The following TYW1B variants were observed in gnomAD, a reference collection of about 807,000 sequenced individuals.
The protein encoded by TYW1B is tRNA-yW synthesizing protein 1 homolog B.
Under a neutral mutation model 86.9 loss-of-function variants are expected in TYW1B, and 73 were observed. The ratio of observed to expected loss-of-function variants is 0.84; its 90% confidence interval spans 0.70 to 1.02. The LOEUF (loss-of-function observed/expected upper bound fraction) is 1.02. Ranked by LOEUF, TYW1B falls within the 50% of genes least tolerant of loss-of-function variation. The pLI is 0.00. For missense variants in TYW1B, 637 were observed against 827.4 expected, an observed-to-expected ratio of 0.77 and a Z score of 2.82; for synonymous variants, 248 against 292.8, an observed-to-expected ratio of 0.85 and a Z score of 1.56.
At chr7:72,808,218 C>T (rs1445217902) in intron 4 of TYW1B, among the ~76,000 whole-genome samples, 16 of 152,208 alleles carry the variant, frequency 1.1e-4, no homozygotes, top group Admixed American at 2.6e-4. Flanking sequence ...CTTGGGAGAC[C>T]GGAGTGAGAA....
intron 13 of TYW1B, among the ~76,000 whole-genome samples, chr7:72,595,682 CA>C (rs1811515339): frequency 6.6e-6 from 1 of 151,318 alleles, no homozygotes; most frequent in South Asian, 2.1e-4. Flanking sequence ...GACTCCATCT[CA>C]AAAAATAAAT....
intron 8 of TYW1B, 101 bp from the exon 9 acceptor site, chr7:72,729,032 G>A (rs1787057765): frequency 1.8e-6 from 2 of 1,140,322 alleles, no homozygotes; most frequent in Admixed American, 2.3e-5. Flanking sequence ...ACAAAATCAG[G>A]ACTGGTTTCC....
At chr7:72,581,286 A>G (rs1811144383) in intron 13 of TYW1B, among the ~76,000 whole-genome samples, 1 of 145,760 alleles carries the variant, frequency 6.9e-6, no homozygotes, top group East Asian at 2.0e-4. Flanking sequence ...CTGTTTCTGG[A>G]CCACCAGGGA....
intron 11 of TYW1B, among the ~76,000 whole-genome samples, chr7:72,631,991 T>C (rs562654274): frequency 4.6e-5 from 7 of 152,120 alleles, no homozygotes; most frequent in African/African-American, 1.7e-4. Flanking sequence ...ATTCTACTTA[T>C]AATTATGAAA....
chr7:72,725,759 T>A (rs868920558), intron 9 of TYW1B, among the ~76,000 whole-genome samples: 1 of 151,986 alleles, frequency 6.6e-6, no homozygotes, highest in African/African-American at 2.4e-5. Context: ...CTTCCCTGAG[T>A]CTCCAACCTG....
rs1812076533 is a variant in TYW1B, at chr7:72,616,566, C to T, written c.1785+106G>A. The stretch of plus-strand genomic sequence containing the variant: ...TTTTTGTTTTGGGAAAGGTAGCAAG[C>T]ACGCAGATCATCCCTATAACAACGT... On this transcript the variant is annotated intron_variant, in intron 13 of 13. Transcript: ENST00000620995. 7 of 1,548,696 alleles carry T rather than the reference C, an allele frequency of 4.5e-6. No homozygotes were observed. In the Admixed American group the frequency reaches 1.3e-4, roughly 28 times the overall value.
chr7:72,646,074 T>C lies in TYW1B; in HGVS notation c.1507-17077A>G, dbSNP rs551671442. On this transcript the variant is annotated intron_variant, in intron 11 of 13. Transcript: ENST00000620995. ...TTTCGTTTGTTTTTTGTTGAGAGGT[T>C]CACGCTCTGTCACACAGGCTGGAGA... Among the ~76,000 whole-genome samples, 5 of 148,846 alleles carry C rather than the reference T, an allele frequency of 3.4e-5. No homozygotes were observed. In the East Asian group the frequency reaches 5.9e-4, roughly 17 times the overall value.
chr7:72,667,845 T>C (rs1365447969), intron 11 of TYW1B, among the ~76,000 whole-genome samples: 3 of 152,180 alleles, frequency 2.0e-5, no homozygotes, highest in Non-Finnish European at 4.4e-5. Context: ...GATATATGAA[T>C]CAAAAGTCAA....
intron 10 of TYW1B, among the ~76,000 whole-genome samples, chr7:72,699,846 C>A (rs1554452157): frequency 6.6e-6 from 1 of 151,988 alleles, no homozygotes; most frequent in Non-Finnish European, 1.5e-5. Context: ...GATGGGGTTT[C>A]GCCATGTTGG....
In TYW1B at chr7:72,828,111, C is replaced by A. The variant is rs1240988241; in HGVS notation, c.-36G>T. 10 of 1,613,278 alleles carry A rather than the reference C, an allele frequency of 6.2e-6. No homozygotes were observed. Among genetic ancestry groups the A allele is most frequent in the Non-Finnish European group, 7.6e-6 (9 of 1,179,668 alleles). On this transcript the variant is annotated 5_prime_UTR_variant, in exon 1 of 14. Transcript: ENST00000620995. Reference sequence around the variant, plus strand: ...GCCGACAGGAGACTAGGATCTCGGACCTGGAGAGCCCAAAGGTTCGCACTG... The same window carrying A: ...GCCGACAGGAGACTAGGATCTCGGAACTGGAGAGCCCAAAGGTTCGCACTG...
At chr7:72,796,425 A>G (rs1788305955) in intron 6 of TYW1B, among the ~76,000 whole-genome samples, 1 of 126,998 alleles carries the variant, frequency 7.9e-6, no homozygotes, top group African/African-American at 2.9e-5. Context: ...TAGTCGAGAC[A>G]GGGTTTCACC....
intron 12 of TYW1B, among the ~76,000 whole-genome samples, chr7:72,620,565 G>T (rs1170082634): frequency 1.3e-5 from 2 of 152,038 alleles, no homozygotes; most frequent in African/African-American, 4.8e-5. Context: ...CAGGGACCCC[G>T]AGCTCTCACT....
At chr7:72,720,295 C>G (rs1274066271) in intron 9 of TYW1B, among the ~76,000 whole-genome samples, 18 of 152,226 alleles carry the variant, frequency 1.2e-4, no homozygotes, top group African/African-American at 3.6e-4. Context: ...GGACTGAGTC[C>G]TACAACACTC....
chr7:72,688,522 C>T (rs1814063333), intron 11 of TYW1B, among the ~76,000 whole-genome samples: 1 of 152,182 alleles, frequency 6.6e-6, no homozygotes, highest in Non-Finnish European at 1.5e-5. Context: ...CCTTGAGTTG[C>T]ATGGAATTGA....
At chr7:72,802,633 T>C (rs78847676) in intron 5 of TYW1B, 111 bp from the exon 6 acceptor site, 3 of 1,451,546 alleles carry the variant, frequency 2.1e-6, no homozygotes, top group East Asian at 2.4e-5. Context: ...TTTTTTTTTT[T>C]TCTTTGAGAC....
chr7:72,612,393 TG>T (rs1811954664), intron 13 of TYW1B, among the ~76,000 whole-genome samples: 2 of 151,966 alleles, frequency 1.3e-5, no homozygotes, highest in Admixed American at 1.3e-4. Flanking sequence ...GTGGAAGGAG[TG>T]GTACACTTAC....
intron 3 of TYW1B, 85 bp from the exon 4 acceptor site, chr7:72,810,750 C>A: frequency 2.0e-6 from 3 of 1,488,664 alleles, no homozygotes; most frequent in South Asian, 1.4e-5. Flanking sequence ...AAAGCATACT[C>A]ATCTCAAAGA....
At chr7:72,800,269 C>T (rs1279752351) in intron 6 of TYW1B, among the ~76,000 whole-genome samples, 5 of 151,852 alleles carry the variant, frequency 3.3e-5, no homozygotes, top group Non-Finnish European at 7.4e-5. Context: ...ATGATCACAG[C>T]TCACTGCAGC....
intron 9 of TYW1B, among the ~76,000 whole-genome samples, chr7:72,715,261 C>T (rs1554455646): frequency 1.3e-5 from 2 of 152,044 alleles, no homozygotes; most frequent in Non-Finnish European, 2.9e-5. Flanking sequence ...CGTTCTGAAT[C>T]CTAGCTGGAC....
Sources: allele counts gnomAD v4.1 joint callset (sites outside exome capture counted in the v4.1 genomes callset), GRCh38; gene constraint gnomAD v4.1.1; transcripts MANE v1.5; gene names NCBI Gene and HGNC (gene_info 2026-07-23, HGNC 2026-07-21).